Variants in SEMA3C observed in about 807,000 individuals in gnomAD.
SEMA3C encodes the protein semaphorin 3C.
Under a neutral mutation model 89.4 loss-of-function variants are expected in SEMA3C, and 47 were observed. The observed-to-expected ratio is 0.53, with a 90% CI of 0.42 to 0.67. SEMA3C has a LOEUF of 0.67. Among genes scored for constraint, SEMA3C ranks in the 30% least tolerant of loss-of-function variants. The probability of loss-of-function intolerance (pLI) is 0.00; values close to 1 mark genes in which losing one functional copy is unlikely to be tolerated. For missense variants in SEMA3C, 839 were observed against 929.1 expected (o/e 0.90, Z 1.26); for synonymous variants, 310 against 320.2 (o/e 0.97, Z 0.34).
chr7:80,828,644 C>T lies in SEMA3C; in HGVS notation c.205G>A (p.Gly69Arg). ...AGGGAAAGAATGTGATCTTTGCTTC[C>T]CACATATATCCGGTCCTGATCTTCA... is the stretch of plus-strand genomic sequence containing the variant. ...MDEDQDRIYV[G>R]SKDHILSLNI... is the part of the protein sequence containing the mutation. Residue 69 changes from glycine to arginine, a missense_variant, in exon 3 of 18, where the codon GGA becomes AGA. Gly to Arg is a moderately radical substitution (Grantham distance 125). Transcript: ENST00000265361. 3 of 1,611,672 alleles carry T rather than the reference C, an allele frequency of 1.9e-6. No homozygotes were observed. The highest frequency in any genetic ancestry group is 2.5e-6 in the Non-Finnish European group (3 of 1,178,428).
rs1387917016 is a variant in SEMA3C, at chr7:80,751,485, C to T, written c.1644-149G>A. 3 of 641,918 alleles carry T rather than the reference C, an allele frequency of 4.7e-6. No individual in the cohort carries two copies. The East Asian group carries it at 8.3e-5, about 18-fold the overall frequency. 39.8% of individuals were successfully genotyped at this position (641,918 alleles called of 1,614,324 possible). A position where few individuals can be genotyped will look rare whatever the true frequency, so the allele number is the denominator to read the frequency against. On this transcript the variant is annotated intron_variant, in intron 15 of 17. Coordinates refer to ENST00000265361, the MANE Select transcript of SEMA3C (RefSeq NM_006379.5). ...AAAGAGTTCTGATTGATGCAGCTAT[C>T]TCACATTTCTTATACAATTTATCAA...
At chr7:80,911,397 A>G (rs971580416) in intron 2 of SEMA3C, among the ~76,000 whole-genome samples, 4 of 152,200 alleles carry the variant, frequency 2.6e-5, no homozygotes, top group African/African-American at 7.2e-5. Flanking sequence ...GCGAAAATGT[A>G]TAACTTTGGT....
At chr7:80,858,373 C>T (rs1341052926) in intron 2 of SEMA3C, among the ~76,000 whole-genome samples, 1 of 152,128 alleles carries the variant, frequency 6.6e-6, no homozygotes, top group Non-Finnish European at 1.5e-5. Flanking sequence ...TTTGGTTTAA[C>T]TGATGACCAG....
chr7:80,857,332 T>C (rs866511732), intron 2 of SEMA3C, among the ~76,000 whole-genome samples: 4 of 152,166 alleles, frequency 2.6e-5, no homozygotes, highest in Non-Finnish European at 5.9e-5. Context: ...ATATGCCACA[T>C]ATTCTTAAAC....
intron 12 of SEMA3C, among the ~76,000 whole-genome samples, chr7:80,787,932 A>C (rs1042463353): frequency 6.6e-6 from 1 of 152,198 alleles, no homozygotes; most frequent in South Asian, 2.1e-4. Context: ...ATGCCAACCT[A>C]GGATGCCAAA....
At chr7:80,785,931 TACTGGTTGTTAGAG>T (rs1430539179) in intron 12 of SEMA3C, among the ~76,000 whole-genome samples, 1 of 152,174 alleles carries the variant, frequency 6.6e-6, no homozygotes, top group Non-Finnish European at 1.5e-5. Context: ...TATACCAATA[TACTGGTTGTTAGAG>T]ACTCAGGTAA....
At chr7:80,847,200 G>C (rs1790410379) in intron 2 of SEMA3C, 1 of 152,182 alleles carries the variant, frequency 6.6e-6, no homozygotes, top group African/African-American at 2.4e-5. Context: ...GAAACAAGGA[G>C]AGAATGGATT....
intron 2 of SEMA3C, among the ~76,000 whole-genome samples, chr7:80,875,429 G>A: frequency 6.6e-6 from 1 of 152,148 alleles, no homozygotes; most frequent in East Asian, 1.9e-4. Flanking sequence ...ACATTTCTGG[G>A]AGAAATTTAT....
intron 2 of SEMA3C, among the ~76,000 whole-genome samples, chr7:80,893,864 T>C (rs1167114283): frequency 6.6e-6 from 1 of 152,196 alleles, no homozygotes; most frequent in Non-Finnish European, 1.5e-5. Flanking sequence ...ACTTCAGCCA[T>C]TTTGAAACAG....
intron 12 of SEMA3C, among the ~76,000 whole-genome samples, chr7:80,773,328 T>C (rs1788475790): frequency 6.6e-6 from 1 of 152,118 alleles, no homozygotes; most frequent in Non-Finnish European, 1.5e-5. Flanking sequence ...AATAATGATC[T>C]TCAGCAAAAT....
chr7:80,831,837 A>G (rs1790015037), intron 2 of SEMA3C, among the ~76,000 whole-genome samples: 1 of 152,156 alleles, frequency 6.6e-6, no homozygotes, highest in African/African-American at 2.4e-5. Flanking sequence ...AATTCCCCTT[A>G]ACATTGTAAG....
intron 2 of SEMA3C, among the ~76,000 whole-genome samples, chr7:80,869,270 A>T (rs1456642718): frequency 6.6e-6 from 1 of 152,224 alleles, no homozygotes; most frequent in Non-Finnish European, 1.5e-5. Context: ...AGCTAGCAAG[A>T]TGTTAATGAA....
intron 1 of SEMA3C, 33 bp downstream of exon 1, chr7:80,918,795 T>C (rs547953658): frequency 4.1e-6 from 4 of 984,830 alleles, no homozygotes; most frequent in African/African-American, 1.7e-5. Flanking sequence ...CTTTGCTAAA[T>C]CTGTAATGCG....
intron 2 of SEMA3C, among the ~76,000 whole-genome samples, chr7:80,871,026 T>C (rs989924029): frequency 6.6e-6 from 1 of 152,220 alleles, no homozygotes; most frequent in Non-Finnish European, 1.5e-5. Flanking sequence ...CGTTCCTCTA[T>C]AAAAGTCAAC....
chr7:80,803,613 G>A (rs560762559), intron 8 of SEMA3C, among the ~76,000 whole-genome samples: 1 of 152,018 alleles, frequency 6.6e-6, no homozygotes, highest in Non-Finnish European at 1.5e-5. Flanking sequence ...GAGCATTTTG[G>A]TTACTGTTTT....
chr7:80,776,020 T>A (rs1788541529), intron 12 of SEMA3C, among the ~76,000 whole-genome samples: 1 of 151,662 alleles, frequency 6.6e-6, no homozygotes, highest in African/African-American at 2.4e-5. Context: ...GGAGTATACA[T>A]CCTCAAAAGC....
At chr7:80,844,837 G>A (rs942386953) in intron 2 of SEMA3C, among the ~76,000 whole-genome samples, 1 of 152,118 alleles carries the variant, frequency 6.6e-6, no homozygotes, top group Non-Finnish European at 1.5e-5. Flanking sequence ...ATGTCTTTTT[G>A]AGAAAATGCA....
At chr7:80,846,849 C>G (rs1285273871) in intron 2 of SEMA3C, among the ~76,000 whole-genome samples, 1 of 152,154 alleles carries the variant, frequency 6.6e-6, no homozygotes, top group Admixed American at 6.6e-5. Context: ...AGAAACTACA[C>G]TTAAGAGGAG....
upstream of SEMA3C, chr7:80,919,269 T>TA: frequency 2.0e-6 from 2 of 985,188 alleles, no homozygotes; most frequent in Non-Finnish European, 2.4e-6. Flanking sequence ...GGCCGACCCT[T>TA]AGAGCTCGCG....
Sources: gnomAD v4.1 joint callset for allele counts (sites outside exome capture counted in the v4.1 genomes callset) on GRCh38, gnomAD v4.1.1 for gene constraint, MANE v1.5 for transcripts, NCBI Gene and HGNC (gene_info 2026-07-23, HGNC 2026-07-21) for gene names.